The following ZPBP variants were observed in gnomAD, a reference collection of about 807,000 sequenced individuals.
ZPBP encodes the protein zona pellucida-binding protein 1.
A neutral mutation model predicts 44.8 loss-of-function variants in ZPBP; 26 were observed. The observed-to-expected ratio is 0.58, with a 90% CI of 0.43 to 0.81. The LOEUF (loss-of-function observed/expected upper bound fraction) is 0.81, where lower values mean the gene tolerates loss of function less well. Among genes scored for constraint, ZPBP ranks in the 30% least tolerant of loss-of-function variants. The pLI is 0.00. For synonymous variants in ZPBP, 174 were observed against 153.2 expected (o/e 1.14, Z -1.00); for missense variants, 409 against 434.0 (o/e 0.94, Z 0.51).
intron 5 of ZPBP, among the ~76,000 whole-genome samples, chr7:50,027,077 C>A (rs1799371407): frequency 6.6e-6 from 1 of 151,968 alleles, no homozygotes; most frequent in South Asian, 2.1e-4. Context: ...CTCAACCCCC[C>A]CTCATAAATA....
intron 7 of ZPBP, among the ~76,000 whole-genome samples, chr7:49,959,257 A>G (rs1424588396): frequency 3.5e-5 from 2 of 57,384 alleles, no homozygotes; most frequent in East Asian, 1.1e-3. Context: ...CATTGCAATA[A>G]AGCAAGCCAA....
chr7:49,948,731 G>T (rs1259341386), intron 7 of ZPBP, among the ~76,000 whole-genome samples: 4 of 152,114 alleles, frequency 2.6e-5, no homozygotes, highest in African/African-American at 9.7e-5. Flanking sequence ...TGTTGGTGAG[G>T]ACATGGAGAA....
intron 1 of ZPBP, among the ~76,000 whole-genome samples, chr7:49,911,618 C>T (rs1343818831): frequency 2.0e-5 from 3 of 151,858 alleles, no homozygotes; most frequent in East Asian, 1.9e-4. Context: ...TACCATTGGC[C>T]GGGTGCAGTG....
At chr7:50,008,573 A>C (rs1798420778) in intron 6 of ZPBP, among the ~76,000 whole-genome samples, 1 of 152,032 alleles carries the variant, frequency 6.6e-6, no homozygotes, top group African/African-American at 2.4e-5. Flanking sequence ...ACAATCTTGA[A>C]AACGAACAGA....
intron 1 of ZPBP, among the ~76,000 whole-genome samples, chr7:49,923,940 A>G (rs1263225663): frequency 6.6e-6 from 1 of 152,194 alleles, no homozygotes; most frequent in Non-Finnish European, 1.5e-5. Flanking sequence ...CCTGGCCAAC[A>G]TGGCGAAGCC....
intron 4 of ZPBP, among the ~76,000 whole-genome samples, chr7:50,050,788 CAAAA>C (rs751875216): frequency 3.7e-4 from 10 of 26,842 alleles, no homozygotes; most frequent in Non-Finnish European, 5.4e-4. Context: ...GACTCCGTCT[CAAAA>C]AAAAAAAAAA....
chr7:49,851,303 T>C (rs543710102), intron 2 of ZPBP, among the ~76,000 whole-genome samples: 2 of 152,168 alleles, frequency 1.3e-5, no homozygotes, highest in Admixed American at 6.5e-5. Flanking sequence ...TTAATTACAT[T>C]TGCAAAAACC....
intron 7 of ZPBP, among the ~76,000 whole-genome samples, chr7:49,967,660 C>A (rs968686277): frequency 6.6e-6 from 1 of 152,168 alleles, no homozygotes; most frequent in African/African-American, 2.4e-5. Context: ...AGTTCTCCTG[C>A]CTCTACCTCC....
At chr7:49,915,850 T>C (rs985056425) in intron 1 of ZPBP, 21 of 152,334 alleles carry the variant, frequency 1.4e-4, no homozygotes, top group African/African-American at 5.0e-4. Flanking sequence ...ATAAGCATCA[T>C]TGGTAAAAAC....
chr7:50,086,992 T>C (rs1802693410), intron 2 of ZPBP, among the ~76,000 whole-genome samples: 1 of 151,982 alleles, frequency 6.6e-6, no homozygotes, highest in South Asian at 2.1e-4. Context: ...TAGTTTCTCA[T>C]AAAAAGTCAT....
chr7:49,969,835 AG>A (rs1344887958), intron 7 of ZPBP, among the ~76,000 whole-genome samples: 2,015 of 88,416 alleles, frequency 0.023, 28 homozygotes, highest in East Asian at 0.17. Context: ...AGAGAGAGAG[AG>A]AGAGAGAGAA....
At chr7:50,008,801 G>A (rs1798430874) in intron 6 of ZPBP, among the ~76,000 whole-genome samples, 1 of 152,016 alleles carries the variant, frequency 6.6e-6, no homozygotes, top group Admixed American at 6.6e-5. Flanking sequence ...GGAGAACAAG[G>A]AAAAGATGTC....
chr7:49,892,031 ATTTTTTTTTTTTTTTT>A (rs536880676), intron 2 of ZPBP, among the ~76,000 whole-genome samples: 2 of 53,202 alleles, frequency 3.8e-5, no homozygotes, highest in African/African-American at 7.4e-5. Flanking sequence ...GACAAAGTAG[ATTTTTTTTTTTTTTTT>A]TTTTTTTTTT....
At chr7:49,998,485 T>C (rs1797956926) in intron 6 of ZPBP, among the ~76,000 whole-genome samples, 1 of 152,230 alleles carries the variant, frequency 6.6e-6, no homozygotes, top group Non-Finnish European at 1.5e-5. Context: ...TTGAATTCCA[T>C]AAATTTTCAA....
At position 49,941,017 on chromosome 7, in the gene ZPBP, A is replaced by T. The variant is rs566034050; in HGVS notation, c.962-3395T>A. 3.2e-3 allele frequency among the ~76,000 whole-genome samples: 483 copies of T among 152,304 alleles called. 6 individuals carry two copies. Among genetic ancestry groups the T allele is most frequent in the African/African-American group, 0.011 (450 of 41,582 alleles). ...ATGTATACAGAGGATTCAGAAAAAA[A>T]GCACATGCTCAGGACCAAGCATAAG... On this transcript the variant is annotated intron_variant, in intron 7 of 7. Transcript: ENST00000046087.
intron 7 of ZPBP, chr7:49,944,361 C>T: frequency 4.9e-6 from 1 of 205,224 alleles, no homozygotes; most frequent in Non-Finnish European, 9.9e-6. Context: ...TGACCTCCTG[C>T]TTCCTGCTCT....
intron 7 of ZPBP, among the ~76,000 whole-genome samples, chr7:49,945,852 A>C (rs996757179): frequency 1.3e-5 from 2 of 152,032 alleles, no homozygotes; most frequent in Non-Finnish European, 2.9e-5. Context: ...ATTACTCATA[A>C]GGAATTACTT....
intron 2 of ZPBP, among the ~76,000 whole-genome samples, chr7:49,865,561 C>T (rs764158883): frequency 2.0e-5 from 3 of 152,208 alleles, no homozygotes; most frequent in Non-Finnish European, 2.9e-5. Context: ...TAATCCTCCA[C>T]ATAGTGGGCT....
At chr7:49,899,874 A>G (rs1257017851) in intron 2 of ZPBP, among the ~76,000 whole-genome samples, 3 of 151,934 alleles carry the variant, frequency 2.0e-5, no homozygotes, top group Non-Finnish European at 4.4e-5. Flanking sequence ...AATACACATT[A>G]TTCTCAAGAT....
Sources: allele counts gnomAD v4.1 joint callset (sites outside exome capture counted in the v4.1 genomes callset), GRCh38; gene constraint gnomAD v4.1.1; transcripts MANE v1.5; gene names NCBI Gene and HGNC (gene_info 2026-07-23, HGNC 2026-07-21).